Variants in PLB1 observed in about 807,000 individuals in gnomAD.
The protein encoded by PLB1 is phospholipase B1, membrane-associated.
Under a neutral mutation model 227.4 loss-of-function variants are expected in PLB1, and 242 were observed. The ratio of observed to expected loss-of-function variants is 1.06; its 90% CI spans 0.96 to 1.18. The LOEUF (loss-of-function observed/expected upper bound fraction) is 1.18. Ranked by LOEUF, PLB1 falls within the 50% of genes most tolerant of loss-of-function variation. PLB1 has a pLI of 0.00. For missense variants in PLB1, 1,858 were observed against 1,816.3 expected (o/e 1.02, Z -0.42); for synonymous variants, 757 against 682.2 (o/e 1.11, Z -1.71).
At chr2:28,611,527 T>G (rs768853785) in intron 43 of PLB1, among the ~76,000 whole-genome samples, 29 of 152,184 alleles carry the variant, frequency 1.9e-4, no homozygotes, top group Non-Finnish European at 3.5e-4. Context: ...CATGCCATTC[T>G]CTGATGCTTC....
In PLB1 at chr2:28,563,038, T is replaced by G; in HGVS notation, c.1148-3T>G. On this transcript the variant is annotated splice_polypyrimidine_tract_variant and splice_region_variant and intron_variant, in intron 17 of 57. Coordinates refer to ENST00000327757, the MANE Select transcript of PLB1 (RefSeq NM_153021.5). ...TTCCACTCACTCCTGCTTATATTCT[T>G]AGTTCATAGGCTGAAGCCGGCTGAC... 1 of 1,613,108 alleles carries G rather than the reference T, an allele frequency of 6.2e-7. No homozygotes were observed. Among genetic ancestry groups the G allele is most frequent in the East Asian group, 2.2e-5 (1 of 44,882 alleles).
At chr2:28,525,413 C>T in intron 5 of PLB1, 106 bp downstream of exon 5, 1 of 1,282,800 alleles carries the variant, frequency 7.8e-7, no homozygotes, top group Non-Finnish European at 1.1e-6. Flanking sequence ...AGGCTCAGTG[C>T]CTTGCTCAAG....
intron 4 of PLB1, among the ~76,000 whole-genome samples, chr2:28,521,886 C>T (rs959548604): frequency 6.6e-6 from 1 of 152,058 alleles, no homozygotes; most frequent in Non-Finnish European, 1.5e-5. Flanking sequence ...CAGAGCCTCC[C>T]TCCCCACTCC....
intron 1 of PLB1, among the ~76,000 whole-genome samples, chr2:28,507,641 G>A (rs1481391876): frequency 6.6e-6 from 1 of 152,156 alleles, no homozygotes; most frequent in East Asian, 1.9e-4. Flanking sequence ...AAAATGTGAT[G>A]CAAAAGTAAG....
At position 28,563,086 on chromosome 2, in the gene PLB1, G is replaced by A. The variant is rs200285873; in HGVS notation, c.1193G>A (p.Gly398Asp). Reference sequence around the variant, plus strand: ...GACATCAACGTAATTGGAGCCCTGGGTGACTCTCTCACGGTAAGTGACCCT... The same window carrying A: ...GACATCAACGTAATTGGAGCCCTGGATGACTCTCTCACGGTAAGTGACCCT... Reference protein sequence around the residue: ...PADINVIGALGDSLTAGNGAG... With the variant: ...PADINVIGALDDSLTAGNGAG... Residue 398 changes from glycine (G) to aspartate (D), a missense_variant, in exon 18 of 58, where the codon GGT becomes GAT. Transcript: ENST00000327757. The A allele has an allele frequency of 3.7e-6, 6 of 1,613,554 alleles. No individual in the cohort carries two copies. The African/African-American group carries it at 4.0e-5, about 11-fold the overall frequency.
chr2:28,624,511 A>T (rs75893014), intron 49 of PLB1, among the ~76,000 whole-genome samples: 4,038 of 152,044 alleles, frequency 0.027, 65 homozygotes, highest in Non-Finnish European at 0.04. Context: ...AATCCTGTCC[A>T]TCCTGGTTTA....
intron 17 of PLB1, among the ~76,000 whole-genome samples, chr2:28,559,652 G>A (rs962975231): frequency 7.5e-5 from 11 of 145,766 alleles, no homozygotes; most frequent in South Asian, 2.4e-4. Flanking sequence ...CCACAGCCAT[G>A]ATTTGGATGT....
intron 2 of PLB1, 148 bp downstream of exon 2, chr2:28,517,017 TG>T: frequency 1.3e-6 from 1 of 748,672 alleles, no homozygotes. Flanking sequence ...GCTTCCCCCA[TG>T]GACAGCCGGG....
Position 28,625,119 on chromosome 2 carries a change from G to T in PLB1, c.3579+11G>T. 1 of 1,610,132 alleles carries T rather than the reference G, an allele frequency of 6.2e-7. No homozygotes were observed. The highest frequency in any genetic ancestry group is 8.5e-7 in the Non-Finnish European group (1 of 1,177,750). ...ATGAAAAACAGCCCCGTGAGTACAG[G>T]CCCCCAGGCCACCCCTGAAAGGTGC... is the stretch of plus-strand genomic sequence containing the variant. On this transcript the variant is annotated intron_variant, in intron 50 of 57. Coordinates refer to ENST00000327757, the MANE Select transcript of PLB1 (RefSeq NM_153021.5).
At chr2:28,558,168 G>C (rs1675449879) in intron 17 of PLB1, among the ~76,000 whole-genome samples, 1 of 151,988 alleles carries the variant, frequency 6.6e-6, no homozygotes, top group African/African-American at 2.4e-5. Context: ...GTGTGTGTGT[G>C]TGTGTGTGTG....
chr2:28,601,391 G>C (rs1683859480), intron 37 of PLB1, 59 bp downstream of exon 37: 22 of 1,442,050 alleles, frequency 1.5e-5, no homozygotes, highest in Non-Finnish European at 2.1e-5. Flanking sequence ...GTAGGCGTTG[G>C]AGATCTTCCC....
intron 43 of PLB1, among the ~76,000 whole-genome samples, chr2:28,608,682 C>T (rs1685023078): frequency 6.6e-6 from 1 of 152,206 alleles, no homozygotes; most frequent in African/African-American, 2.4e-5. Flanking sequence ...GGGCAGCTGG[C>T]TGAACACCTG....
Position 28,538,957 on chromosome 2 carries a change from C to T in PLB1, c.619-142C>T, listed in dbSNP as rs1280796569. 7.3e-6 allele frequency: 5 copies of T among 683,404 alleles called. No homozygotes were observed. In the African/African-American group the frequency reaches 8.8e-5, roughly 12 times the overall value. The allele number at this position is 683,404 out of a possible 1,614,324, so 42.3% of individuals were successfully genotyped here. ...CAGACTGACCCTGACCAAACATCTC[C>T]CAAAGGATCAGGCCCAGTTAACCAA... On this transcript the variant is annotated intron_variant, in intron 10 of 57. Transcript: ENST00000327757.
At chr2:28,549,922 C>A in intron 15 of PLB1, 88 bp from the exon 16 acceptor site, 1 of 1,146,240 alleles carries the variant, frequency 8.7e-7, no homozygotes, top group African/African-American at 1.5e-5. Flanking sequence ...TCCTAGTTGG[C>A]CAAAAGCATC....
At chr2:28,587,443 C>T (rs1681088359) in intron 26 of PLB1, among the ~76,000 whole-genome samples, 1 of 151,996 alleles carries the variant, frequency 6.6e-6, no homozygotes, top group African/African-American at 2.4e-5. Flanking sequence ...TAGTGAAACC[C>T]TGCAAAAAAT....
chr2:28,525,172 C>T (rs1670065302), intron 4 of PLB1, 95 bp from the exon 5 acceptor site: 4 of 1,150,930 alleles, frequency 3.5e-6, no homozygotes, highest in African/African-American at 1.5e-5. Context: ...CTCTTACTGG[C>T]AGGAGGGGGA....
At chr2:28,538,073 C>T (rs1192893364) in intron 9 of PLB1, among the ~76,000 whole-genome samples, 1 of 152,176 alleles carries the variant, frequency 6.6e-6, no homozygotes, top group Non-Finnish European at 1.5e-5. Context: ...CCTGATGGAA[C>T]TTTTCACCTG....
intron 18 of PLB1, among the ~76,000 whole-genome samples, chr2:28,563,596 G>T (rs1333585754): frequency 6.6e-6 from 1 of 152,072 alleles, no homozygotes; most frequent in African/African-American, 2.4e-5. Context: ...GGGAAGACGG[G>T]AGTCTGTGGA....
chr2:28,591,290 G>GCCAC, intron 30 of PLB1, 119 bp downstream of exon 30: 1 of 1,258,442 alleles, frequency 7.9e-7, no homozygotes, highest in Non-Finnish European at 1.2e-6. Context: ...GGGCATAAAG[G>GCCAC]CCACCCACCT....
Sources: allele counts gnomAD v4.1 joint callset (sites outside exome capture counted in the v4.1 genomes callset), GRCh38; gene constraint gnomAD v4.1.1; transcripts MANE v1.5; gene names NCBI Gene and HGNC (gene_info 2026-07-23, HGNC 2026-07-21).